The following PRKCH variants were observed in gnomAD, a reference collection of about 807,000 sequenced individuals.
PRKCH encodes protein kinase C eta type.
PRKCH carries 28 observed loss-of-function variants against 82.5 expected under a neutral mutation model. That is an observed-to-expected ratio of 0.34 (90% confidence interval 0.25 to 0.47). PRKCH has a LOEUF of 0.47. Ranked by LOEUF, PRKCH falls within the 20% of genes least tolerant of loss-of-function variation. The pLI, the probability that PRKCH is intolerant of heterozygous loss-of-function variation, is 1.00. For synonymous variants in PRKCH, 322 were observed against 327.4 expected, an observed-to-expected ratio of 0.98 and a Z score of 0.18; for missense variants, 705 against 881.8, an observed-to-expected ratio of 0.80 and a Z score of 2.54.
intron 10 of PRKCH, among the ~76,000 whole-genome samples, chr14:61,495,338 A>G (rs1047601770): frequency 1.3e-5 from 2 of 152,244 alleles, no homozygotes; most frequent in African/African-American, 4.8e-5. Flanking sequence ...ACTATTTGGA[A>G]CTAATTGATA....
At chr14:61,434,902 G>C (rs1883601010) in intron 2 of PRKCH, among the ~76,000 whole-genome samples, 1 of 152,146 alleles carries the variant, frequency 6.6e-6, no homozygotes, top group Admixed American at 6.5e-5. Context: ...TTAAATTTCA[G>C]TGAGAAATCA....
chr14:61,210,908 A>G (rs143010926), intron 1 of PRKCH, among the ~76,000 whole-genome samples: 95 of 152,250 alleles, frequency 6.2e-4, no homozygotes, highest in African/African-American at 2.2e-3. Context: ...TAGGGATTAG[A>G]CCACATGCAA....
At chr14:61,265,451 A>G (rs2045091003) in intron 1 of PRKCH, among the ~76,000 whole-genome samples, 1 of 152,226 alleles carries the variant, frequency 6.6e-6, no homozygotes, top group South Asian at 2.1e-4. Flanking sequence ...GTTGCACTCC[A>G]GCCTGCGTGA....
At chr14:61,445,555 A>G (rs1321999123) in intron 3 of PRKCH, 137 bp from the exon 4 acceptor site, 4 of 786,992 alleles carry the variant, frequency 5.1e-6, no homozygotes, top group Non-Finnish European at 6.5e-6. Context: ...ATGGCTCAGA[A>G]AGCACATGAT....
chr14:61,512,999 T>A (rs1391718180), intron 10 of PRKCH, among the ~76,000 whole-genome samples: 2 of 152,108 alleles, frequency 1.3e-5, no homozygotes, highest in African/African-American at 4.8e-5. Flanking sequence ...AAAAAAATTT[T>A]ATAGAGACAG....
Position 61,195,887 on chromosome 14 carries a change from A to G in PRKCH, c.-19+8219A>G, listed in dbSNP as rs554945575. 2.0e-5 allele frequency among the ~76,000 whole-genome samples: 3 copies of G among 152,228 alleles called. No individual in the cohort carries two copies. In the South Asian group the frequency reaches 6.2e-4, roughly 32 times the overall value. Reference sequence around the variant, plus strand: ...CACCCTTACGACCATATTTAATCTTAATTACTTCTGTAGAAGCACCCTGGG... The same window carrying G: ...CACCCTTACGACCATATTTAATCTTGATTACTTCTGTAGAAGCACCCTGGG... On this transcript the variant is annotated intron_variant, in intron 1 of 3. Coordinates refer to the PRKCH transcript ENST00000555185.
Position 61,457,255 on chromosome 14 carries a change from C to T in PRKCH, c.1040C>T (p.Ser347Phe). The T allele has an allele frequency of 6.2e-7, 1 of 1,614,174 alleles. No homozygotes were observed. Among genetic ancestry groups the T allele is most frequent in the Non-Finnish European group, 8.5e-7 (1 of 1,180,038 alleles). The change falls in exon 8 of 14, where the codon TCC becomes TTC. Residue 347 changes from serine (S) to phenylalanine (F), a missense_variant. Physicochemically the swap from Ser to Phe is radical, Grantham distance 155. This residue lies in a region of PRKCH where 238 missense variants were observed against 258.1 expected (regional missense o/e 0.92). Coordinates refer to ENST00000332981, the MANE Select transcript of PRKCH (RefSeq NM_006255.5). ...KEGNGIGVNS[S>F]NRLGIDNFEF... The stretch of plus-strand genomic sequence containing the variant: ...GGAAATGGGATTGGGGTTAATTCTT[C>T]CAACCGACTTGGTATCGACAACTTT...
intron 9 of PRKCH, chr14:61,477,056 C>G (rs533819447): frequency 1.3e-5 from 2 of 152,320 alleles, no homozygotes; most frequent in South Asian, 4.1e-4. Context: ...GAACTCCCTG[C>G]TCACCCTGTA....
intron 1 of PRKCH, among the ~76,000 whole-genome samples, chr14:61,255,725 G>T (rs2044991513): frequency 6.6e-6 from 1 of 152,140 alleles, no homozygotes; most frequent in Admixed American, 6.5e-5. Flanking sequence ...GCTGGTTCAT[G>T]AAAGCAGCCA....
intron 8 of PRKCH, 92 bp from the exon 9 acceptor site, chr14:61,457,414 T>G: frequency 2.5e-6 from 4 of 1,586,398 alleles, no homozygotes; most frequent in Non-Finnish European, 3.4e-6. Context: ...TACTCACATT[T>G]CTCATGTGCC....
At chr14:61,256,794 C>T (rs1594877326) in intron 1 of PRKCH, among the ~76,000 whole-genome samples, 1 of 152,308 alleles carries the variant, frequency 6.6e-6, no homozygotes, top group South Asian at 2.1e-4. Flanking sequence ...TTATATACCA[C>T]TTAACCATGC....
At chr14:61,324,463 T>A (rs2045669714) in intron 1 of PRKCH, among the ~76,000 whole-genome samples, 2 of 152,168 alleles carry the variant, frequency 1.3e-5, no homozygotes, top group South Asian at 4.1e-4. Context: ...TTTTTGTTGT[T>A]TTTTTTAAAA....
intron 1 of PRKCH, among the ~76,000 whole-genome samples, chr14:61,315,029 T>C (rs528024498): frequency 1.6e-4 from 25 of 152,366 alleles, no homozygotes; most frequent in African/African-American, 5.5e-4. Flanking sequence ...ATTTTCAATA[T>C]GAGACCAGTG....
intron 6 of PRKCH, 46 bp from the exon 7 acceptor site, chr14:61,453,180 A>C: frequency 2.5e-6 from 4 of 1,611,948 alleles, no homozygotes; most frequent in African/African-American, 1.3e-5. Context: ...CACATGTTGA[A>C]TTGGTTCCTT....
intron 2 of PRKCH, among the ~76,000 whole-genome samples, chr14:61,431,491 C>G (rs1233252433): frequency 6.6e-6 from 1 of 152,222 alleles, no homozygotes; most frequent in Non-Finnish European, 1.5e-5. Context: ...CTCATTCTAC[C>G]TTATCCTCTC....
intron 10 of PRKCH, among the ~76,000 whole-genome samples, chr14:61,518,411 G>C (rs1171425484): frequency 6.7e-6 from 1 of 150,190 alleles, no homozygotes; most frequent in Non-Finnish European, 1.5e-5. Flanking sequence ...TCCTGGGTGG[G>C]ATAGTGATAG....
intron 1 of PRKCH, chr14:61,303,612 C>T (rs984237079): frequency 6.6e-6 from 1 of 151,992 alleles, no homozygotes; most frequent in Non-Finnish European, 1.5e-5. Flanking sequence ...TTACTTGAAT[C>T]TTGCTTTTTA....
intron 1 of PRKCH, among the ~76,000 whole-genome samples, chr14:61,384,267 C>A (rs1453149437): frequency 6.6e-6 from 1 of 152,102 alleles, no homozygotes; most frequent in African/African-American, 2.4e-5. Context: ...GGGATTGGAG[C>A]CCTTTAAAGC....
intron 1 of PRKCH, among the ~76,000 whole-genome samples, chr14:61,299,535 T>A (rs942020608): frequency 5.9e-5 from 9 of 152,182 alleles, no homozygotes; most frequent in Non-Finnish European, 1.2e-4. Context: ...ATTATTATTT[T>A]AGAGAAACAG....
Sources: gnomAD v4.1 joint callset for allele counts (sites outside exome capture counted in the v4.1 genomes callset) on GRCh38, gnomAD v4.1.1 for gene constraint, gnomAD v4.1.1 regional missense constraint, MANE v1.5 for transcripts, NCBI Gene and HGNC (gene_info 2026-07-23, HGNC 2026-07-21) for gene names.